The following COG5 variants were observed in gnomAD, a reference collection of about 807,000 sequenced individuals.
The protein encoded by COG5 is conserved oligomeric Golgi complex subunit 5.
Under a neutral mutation model 110.4 loss-of-function variants are expected in COG5, and 86 were observed. The ratio of observed to expected loss-of-function variants is 0.78; its 90% confidence interval spans 0.65 to 0.93. COG5 has a LOEUF of 0.93. Among genes scored for constraint, COG5 ranks in the 40% least tolerant of loss-of-function variants. The probability of loss-of-function intolerance (pLI) is 0.00; values close to 1 mark genes in which losing one functional copy is unlikely to be tolerated. For synonymous variants in COG5, 360 were observed against 334.6 expected (o/e 1.08, Z -0.83); for missense variants, 1,077 against 987.0 (o/e 1.09, Z -1.22).
At chr7:107,284,382 T>C (rs1029595448) in intron 12 of COG5, among the ~76,000 whole-genome samples, 2 of 152,196 alleles carry the variant, frequency 1.3e-5, no homozygotes, top group African/African-American at 4.8e-5. Flanking sequence ...ATCATACCTA[T>C]AGAGTTATCG....
chr7:107,419,681 T>C (rs1017897775), intron 6 of COG5, among the ~76,000 whole-genome samples: 8 of 151,742 alleles, frequency 5.3e-5, no homozygotes, highest in Admixed American at 1.3e-4. Context: ...GATTCTCCTG[T>C]CTCAGCCTCC....
At chr7:107,558,728 T>A (rs1175896660) in intron 1 of COG5, among the ~76,000 whole-genome samples, 1 of 148,096 alleles carries the variant, frequency 6.8e-6, no homozygotes, top group African/African-American at 2.5e-5. Flanking sequence ...CTACTAAAAA[T>A]ATAAAAAAAA....
At chr7:107,229,421 C>A (rs1275111340) in intron 19 of COG5, among the ~76,000 whole-genome samples, 1 of 152,132 alleles carries the variant, frequency 6.6e-6, no homozygotes, top group Non-Finnish European at 1.5e-5. Flanking sequence ...TGCACTCCAG[C>A]CTGGTGACAG....
intron 3 of COG5, among the ~76,000 whole-genome samples, chr7:107,551,230 C>A (rs990937047): frequency 2.6e-5 from 4 of 151,878 alleles, no homozygotes; most frequent in African/African-American, 9.7e-5. Context: ...TTTTAGTAGA[C>A]ACGGGGTTTC....
At chr7:107,283,411 A>T (rs1446985691) in intron 13 of COG5, among the ~76,000 whole-genome samples, 160 bp downstream of exon 13, 3 of 152,202 alleles carry the variant, frequency 2.0e-5, no homozygotes, top group African/African-American at 7.2e-5. Context: ...AATCTCAAGT[A>T]CTTACTATGT....
chr7:107,256,485 C>T lies in COG5; in HGVS notation c.1749+247G>A, dbSNP rs182305398. On this transcript the variant is annotated intron_variant, in intron 16 of 21. Transcript: ENST00000297135. Reference sequence around the variant, plus strand: ...TGCCATTAGATAAATACATGTAAGACTTTTGCTTCTATGTACACAACTGTC... The same window carrying T: ...TGCCATTAGATAAATACATGTAAGATTTTTGCTTCTATGTACACAACTGTC... Among the ~76,000 whole-genome samples the T allele has an allele frequency of 4.6e-5, 7 of 152,224 alleles. No homozygotes were observed. The East Asian group carries it at 1.4e-3, about 29-fold the overall frequency.
intron 10 of COG5, among the ~76,000 whole-genome samples, chr7:107,329,810 G>A (rs1246791127): frequency 1.3e-5 from 2 of 152,156 alleles, no homozygotes; most frequent in African/African-American, 2.4e-5. Context: ...GCAGGAGACT[G>A]CTTTAGCTCA....
At chr7:107,282,589 T>G (rs1805267991) in intron 13 of COG5, among the ~76,000 whole-genome samples, 2 of 152,174 alleles carry the variant, frequency 1.3e-5, no homozygotes, top group Non-Finnish European at 2.9e-5. Flanking sequence ...TGGCGTGATG[T>G]CGGCTCACTG....
rs750263117 is a variant in COG5 at position 107,331,840 on chromosome 7, CT to C, written c.1027-7320del. Among the ~76,000 whole-genome samples, 583 of 131,802 alleles carry C rather than the reference CT, an allele frequency of 4.4e-3. 3 individuals are homozygous for C. The highest frequency in any genetic ancestry group is 0.012 in the East Asian group (53 of 4,484). The allele number at this position is 131,802 out of a possible 152,430, so 86.5% of individuals were successfully genotyped here. On this transcript the variant is annotated intron_variant, in intron 10 of 21. Coordinates refer to ENST00000297135, the MANE Select transcript of COG5 (RefSeq NM_006348.5). The stretch of plus-strand genomic sequence containing the variant: ...CAAGTGGAGATGACCCTGCTTGCCT[CT>C]TTTTTTTTTTTTTTTTTTGAGATGG...
At chr7:107,550,210 CA>C (rs1200766961) in intron 3 of COG5, among the ~76,000 whole-genome samples, 2 of 152,140 alleles carry the variant, frequency 1.3e-5, no homozygotes, top group Non-Finnish European at 2.9e-5. Context: ...TTTCATCTGC[CA>C]TCAACAAACC....
rs1336830119 is a variant in COG5 at position 107,474,149 on chromosome 7, T to C, written c.538+53088A>G. 3 of 1,610,062 alleles carry C rather than the reference T, an allele frequency of 1.9e-6. No individual in the cohort carries two copies. Among genetic ancestry groups the C allele is most frequent in the Admixed American group, 3.3e-5 (2 of 59,914 alleles). The stretch of plus-strand genomic sequence containing the variant: ...GACATTGATGACATCAACACCAATA[T>C]GTACCAACCACTATCATATCCGTTA... On this transcript the variant is annotated intron_variant, in intron 6 of 21. Coordinates refer to ENST00000297135, the MANE Select transcript of COG5 (RefSeq NM_006348.5). The surrounding 1 kb of genome is among the most constrained non-coding windows in gnomAD (Gnocchi z 5.7).
At chr7:107,451,672 G>C (rs992001955) in intron 6 of COG5, among the ~76,000 whole-genome samples, 11 of 152,004 alleles carry the variant, frequency 7.2e-5, no homozygotes, top group African/African-American at 2.4e-4. Context: ...ACATGAAGAC[G>C]ATGTGAATGA....
At chr7:107,431,818 G>A (rs975326244) in intron 6 of COG5, among the ~76,000 whole-genome samples, 2 of 151,974 alleles carry the variant, frequency 1.3e-5, no homozygotes, top group African/African-American at 4.8e-5. Flanking sequence ...ACCACACCTA[G>A]CTAATTTTTT....
intron 18 of COG5, 102 bp downstream of exon 18, chr7:107,236,348 T>G (rs1801190376): frequency 3.4e-6 from 3 of 891,062 alleles, no homozygotes; most frequent in Admixed American, 1.8e-5. Flanking sequence ...CTTTTCTTTG[T>G]GCTGCAACTC....
chr7:107,265,364 C>T (rs973475427), intron 14 of COG5, among the ~76,000 whole-genome samples: 9 of 152,100 alleles, frequency 5.9e-5, no homozygotes, highest in South Asian at 2.1e-4. Context: ...ACTGCAGCCT[C>T]GACCTCCTGA....
chr7:107,454,697 C>A (rs1795553353), intron 6 of COG5, among the ~76,000 whole-genome samples: 1 of 151,992 alleles, frequency 6.6e-6, no homozygotes, highest in Non-Finnish European at 1.5e-5. Context: ...CCAATGCAAA[C>A]CACTATCAAG....
At chr7:107,504,347 C>T (rs1022099684) in intron 6 of COG5, among the ~76,000 whole-genome samples, 3 of 152,128 alleles carry the variant, frequency 2.0e-5, no homozygotes, top group Admixed American at 1.3e-4. Flanking sequence ...TGAAATAAAA[C>T]CCCTCGATCA....
chr7:107,274,562 A>G (rs1804547325), intron 14 of COG5, among the ~76,000 whole-genome samples: 1 of 152,158 alleles, frequency 6.6e-6, no homozygotes, highest in African/African-American at 2.4e-5. Context: ...GCTACGTATA[A>G]TAGAGCAGAA....
intron 16 of COG5, among the ~76,000 whole-genome samples, chr7:107,251,217 A>G (rs1006284272): frequency 5.3e-5 from 8 of 152,212 alleles, no homozygotes; most frequent in Admixed American, 4.6e-4. Context: ...TGGAGGCCAG[A>G]AAACAGTGGA....
Sources: gnomAD v4.1 joint callset for allele counts (sites outside exome capture counted in the v4.1 genomes callset) on GRCh38, gnomAD v4.1.1 for gene constraint, Gnocchi (gnomAD v3.1) non-coding constraint, MANE v1.5 for transcripts, NCBI Gene and HGNC (gene_info 2026-07-23, HGNC 2026-07-21) for gene names.